Variants in KIAA0825 observed in about 807,000 individuals in gnomAD.
KIAA0825 encodes uncharacterized protein KIAA0825.
KIAA0825 carries 119 observed loss-of-function variants against 147.6 expected under a neutral mutation model. The ratio of observed to expected loss-of-function variants is 0.81; its 90% CI spans 0.69 to 0.94. KIAA0825 has a LOEUF of 0.94. Ranked by LOEUF, KIAA0825 falls within the 40% of genes least tolerant of loss-of-function variation. The pLI, the probability that KIAA0825 is intolerant of heterozygous loss-of-function variation, is 0.00. For missense variants in KIAA0825, 1,381 were observed against 1,472.7 expected, an observed-to-expected ratio of 0.94 and a Z score of 1.02; for synonymous variants, 470 against 518.1, an observed-to-expected ratio of 0.91 and a Z score of 1.26.
At chr5:94,174,026 C>A (rs1768872651) in intron 20 of KIAA0825, among the ~76,000 whole-genome samples, 2 of 152,260 alleles carry the variant, frequency 1.3e-5, no homozygotes, top group South Asian at 4.1e-4. Context: ...CGTATCCAGA[C>A]CTTGTCTCTC....
intron 20 of KIAA0825, among the ~76,000 whole-genome samples, chr5:94,381,427 C>T (rs564699408): frequency 2.0e-5 from 3 of 152,118 alleles, no homozygotes; most frequent in Admixed American, 1.3e-4. Context: ...TGTTGCATGC[C>T]GAGTATTACA....
intron 5 of KIAA0825, among the ~76,000 whole-genome samples, chr5:94,498,665 A>G (rs1403696412): frequency 1.3e-5 from 2 of 152,212 alleles, no homozygotes; most frequent in Admixed American, 6.5e-5. Flanking sequence ...GTCACTTCTA[A>G]GTTCAGAGTC....
intron 1 of KIAA0825, among the ~76,000 whole-genome samples, chr5:94,611,655 C>T (rs1231187956): frequency 1.4e-5 from 2 of 146,028 alleles, no homozygotes; most frequent in Non-Finnish European, 3.0e-5. Context: ...GCTGGGATTA[C>T]AGGCATGAGG....
At chr5:94,389,777 A>G (rs1749653330) in intron 18 of KIAA0825, among the ~76,000 whole-genome samples, 1 of 152,194 alleles carries the variant, frequency 6.6e-6, no homozygotes, top group South Asian at 2.1e-4. Flanking sequence ...TCAGCTAGTC[A>G]TGCTTGTGTT....
chr5:94,609,744 G>A (rs1241533369), intron 1 of KIAA0825, among the ~76,000 whole-genome samples: 1 of 152,112 alleles, frequency 6.6e-6, no homozygotes, highest in African/African-American at 2.4e-5. Context: ...AACCTGGAAG[G>A]TGGAGGTTGC....
chr5:94,274,867 T>C (rs1253204076), intron 20 of KIAA0825, among the ~76,000 whole-genome samples: 2 of 152,250 alleles, frequency 1.3e-5, no homozygotes, highest in Admixed American at 1.3e-4. Context: ...TGTAGCAGTA[T>C]TGGTTCTGAC....
intron 1 of KIAA0825, among the ~76,000 whole-genome samples, chr5:94,603,724 G>A (rs1169537746): frequency 6.6e-6 from 1 of 152,206 alleles, no homozygotes; most frequent in African/African-American, 2.4e-5. Context: ...TAAAGGGATG[G>A]AGAGAAATTT....
intron 1 of KIAA0825, among the ~76,000 whole-genome samples, chr5:94,610,495 G>A (rs1401195158): frequency 6.7e-6 from 1 of 149,774 alleles, no homozygotes; most frequent in Non-Finnish European, 1.5e-5. Flanking sequence ...TGGGCACGGT[G>A]GCTCACACCT....
chr5:94,478,867 A>G (rs1032303474), intron 6 of KIAA0825, among the ~76,000 whole-genome samples: 1 of 152,174 alleles, frequency 6.6e-6, no homozygotes, highest in Admixed American at 6.5e-5. Flanking sequence ...AAATACCATC[A>G]ACTGTCAAAG....
chr5:94,440,102 G>A lies in KIAA0825; in HGVS notation c.2377C>T (p.Leu793=). The part of the protein sequence containing the change: ...SLLRTPSAGG[L]KAEGQLKLLL... ...AGTTTCAACTGACCCTCGGCTTTCA[G>A]TCCTCCAGCTGATGGAGTCCTTTCA... The change falls in exon 14 of 21, where the codon CTG becomes TTG. Residue 793 remains leucine (L), a synonymous_variant. Transcript: ENST00000682413. 6.4e-7 allele frequency: 1 copy of A among 1,551,278 alleles called. No individual in the cohort carries two copies. Among genetic ancestry groups the A allele is most frequent in the Non-Finnish European group, 8.7e-7 (1 of 1,146,742 alleles).
chr5:94,239,022 G>A (rs1274255088), intron 20 of KIAA0825, among the ~76,000 whole-genome samples: 1 of 152,076 alleles, frequency 6.6e-6, no homozygotes, highest in Non-Finnish European at 1.5e-5. Context: ...GTTCTGAACA[G>A]TTTATTTTAA....
intron 20 of KIAA0825, among the ~76,000 whole-genome samples, chr5:94,213,576 G>T (rs143816187): frequency 7.9e-4 from 120 of 152,262 alleles, no homozygotes; most frequent in African/African-American, 2.9e-3. Context: ...AGGCCTTTAT[G>T]ATGGGACCCA....
intron 20 of KIAA0825, among the ~76,000 whole-genome samples, chr5:94,188,527 G>A (rs1277527533): frequency 1.3e-5 from 2 of 152,136 alleles, no homozygotes; most frequent in African/African-American, 4.8e-5. Flanking sequence ...ATGGGATCAT[G>A]TAGTACATAG....
chr5:94,413,729 T>A (rs183712487), intron 15 of KIAA0825: 1 of 152,342 alleles, frequency 6.6e-6, no homozygotes, highest in Admixed American at 6.5e-5. Flanking sequence ...CACAGATTTA[T>A]ACATTGGTCA....
chr5:94,265,195 G>T (rs1047001296), intron 20 of KIAA0825, among the ~76,000 whole-genome samples: 1 of 152,048 alleles, frequency 6.6e-6, no homozygotes, highest in Non-Finnish European at 1.5e-5. Context: ...ATTTTTGAAG[G>T]CAGGTTACTA....
chr5:94,357,067 A>T (rs1784363642), intron 20 of KIAA0825, among the ~76,000 whole-genome samples: 1 of 152,202 alleles, frequency 6.6e-6, no homozygotes, highest in Admixed American at 6.5e-5. Context: ...ACAATGTTGA[A>T]TCCTTAGAGA....
chr5:94,562,608 A>G (rs1447621555), intron 2 of KIAA0825, among the ~76,000 whole-genome samples: 1 of 152,202 alleles, frequency 6.6e-6, no homozygotes, highest in Non-Finnish European at 1.5e-5. Flanking sequence ...GCAACTACAA[A>G]AGAAAGCTGT....
intron 1 of KIAA0825, among the ~76,000 whole-genome samples, chr5:94,604,733 A>G (rs1014542349): frequency 1.3e-5 from 2 of 152,198 alleles, no homozygotes; most frequent in African/African-American, 4.8e-5. Context: ...AATCTCTGGG[A>G]CACAGTTAAG....
At chr5:94,503,467 C>G (rs1765334485) in intron 5 of KIAA0825, among the ~76,000 whole-genome samples, 1 of 152,174 alleles carries the variant, frequency 6.6e-6, no homozygotes, top group Non-Finnish European at 1.5e-5. Flanking sequence ...TCCACTTCTT[C>G]TCTGGTCCCA....
Sources: gnomAD v4.1 joint callset for allele counts (sites outside exome capture counted in the v4.1 genomes callset) on GRCh38, gnomAD v4.1.1 for gene constraint, MANE v1.5 for transcripts, NCBI Gene and HGNC (gene_info 2026-07-23, HGNC 2026-07-21) for gene names.